CDH9: variants seen among roughly 807,000 people sequenced by gnomAD.
CDH9 encodes cadherin 9.
Under a neutral mutation model 70.9 loss-of-function variants are expected in CDH9, and 28 were observed. The ratio of observed to expected loss-of-function variants is 0.40; its 90% CI spans 0.29 to 0.54. CDH9 has a LOEUF of 0.54. Among genes scored for constraint, CDH9 ranks in the 20% least tolerant of loss-of-function variants. CDH9 has a pLI of 0.59. For missense variants in CDH9, 874 were observed against 984.4 expected (o/e 0.89, Z 1.50); for synonymous variants, 409 against 343.1 (o/e 1.19, Z -2.12).
chr5:26,991,609 A>G, intron 1 of CDH9, among the ~76,000 whole-genome samples: 1 of 152,180 alleles, frequency 6.6e-6, no homozygotes, highest in East Asian at 1.9e-4. Context: ...TTGCCCAAAA[A>G]TCCTTGTCTC....
At chr5:26,911,744 AAT>A (rs1209396810) in intron 3 of CDH9, among the ~76,000 whole-genome samples, 1 of 152,206 alleles carries the variant, frequency 6.6e-6, no homozygotes, top group Non-Finnish European at 1.5e-5. Context: ...ATTATCTTTA[AAT>A]ATATATCTTT....
chr5:26,891,626 C>T (rs1420411035), intron 7 of CDH9, among the ~76,000 whole-genome samples: 1 of 151,838 alleles, frequency 6.6e-6, no homozygotes. Flanking sequence ...TGCAGTGAGC[C>T]GAGATGGCAC....
At chr5:26,919,952 A>T (rs1741215273) in intron 2 of CDH9, among the ~76,000 whole-genome samples, 1 of 152,086 alleles carries the variant, frequency 6.6e-6, no homozygotes, top group African/African-American at 2.4e-5. Context: ...TTCAGGTGTG[A>T]TCAAGCACAT....
chr5:26,909,317 A>C (rs1262632628), intron 3 of CDH9, among the ~76,000 whole-genome samples: 1 of 152,140 alleles, frequency 6.6e-6, no homozygotes, highest in African/African-American at 2.4e-5. Context: ...TTCTTTATAG[A>C]GACAAAATAA....
intron 2 of CDH9, among the ~76,000 whole-genome samples, chr5:26,948,187 C>A (rs1012326607): frequency 6.6e-6 from 1 of 152,040 alleles, no homozygotes; most frequent in African/African-American, 2.4e-5. Context: ...TTTATGAATG[C>A]CAAACAAGGA....
chr5:26,919,754 G>A (rs1359972339), intron 2 of CDH9, among the ~76,000 whole-genome samples: 2 of 152,066 alleles, frequency 1.3e-5, no homozygotes, highest in African/African-American at 4.8e-5. Context: ...ATAGGGCAGG[G>A]TCCTGAGGCC....
chr5:27,022,538 C>T (rs1350452078), intron 1 of CDH9, among the ~76,000 whole-genome samples: 3 of 152,020 alleles, frequency 2.0e-5, no homozygotes, highest in African/African-American at 7.2e-5. Flanking sequence ...TTGAATTAGT[C>T]ATACCACACA....
chr5:26,920,548 T>A (rs78341623), intron 2 of CDH9, among the ~76,000 whole-genome samples: 8,484 of 152,118 alleles, frequency 0.056, 283 homozygotes, highest in East Asian at 0.13. Context: ...GTGGTTACTG[T>A]GGGCCTTGGG....
intron 2 of CDH9, among the ~76,000 whole-genome samples, chr5:26,957,645 G>C (rs540681313): frequency 6.6e-6 from 1 of 152,002 alleles, no homozygotes; most frequent in East Asian, 1.9e-4. Flanking sequence ...CTGGGGAACA[G>C]AAGAGACGGT....
chr5:26,965,477 G>A (rs980283332), intron 2 of CDH9, among the ~76,000 whole-genome samples: 2 of 151,774 alleles, frequency 1.3e-5, no homozygotes, highest in African/African-American at 2.4e-5. Flanking sequence ...TCGGGAGGCT[G>A]AGGCAGGAGA....
intron 2 of CDH9, among the ~76,000 whole-genome samples, chr5:26,987,316 A>G (rs1742505235): frequency 6.6e-6 from 1 of 151,944 alleles, no homozygotes; most frequent in African/African-American, 2.4e-5. Flanking sequence ...AATTGGGAAC[A>G]ATTATAGTTA....
intron 2 of CDH9, among the ~76,000 whole-genome samples, chr5:26,964,647 T>C (rs1742097791): frequency 6.6e-6 from 1 of 152,134 alleles, no homozygotes. Context: ...TTTTAATTGT[T>C]ATACTTTAAG....
chr5:26,934,688 C>T (rs759287733), intron 2 of CDH9, among the ~76,000 whole-genome samples: 2 of 152,030 alleles, frequency 1.3e-5, no homozygotes, highest in African/African-American at 2.4e-5. Flanking sequence ...TCATTAAATG[C>T]CATCATCTAC....
At chr5:27,007,628 G>T (rs1742888339) in intron 1 of CDH9, among the ~76,000 whole-genome samples, 1 of 151,872 alleles carries the variant, frequency 6.6e-6, no homozygotes, top group Admixed American at 6.6e-5. Context: ...TATTACATAG[G>T]AAACAAATTC....
intron 1 of CDH9, among the ~76,000 whole-genome samples, chr5:27,014,366 G>T (rs888417201): frequency 4.4e-4 from 67 of 151,948 alleles, no homozygotes; most frequent in African/African-American, 1.5e-3. Context: ...CTTGCTGCAG[G>T]AAGTTAATGC....
intron 2 of CDH9, among the ~76,000 whole-genome samples, chr5:26,954,327 A>G (rs1054491000): frequency 1.3e-5 from 2 of 151,152 alleles, no homozygotes; most frequent in Non-Finnish European, 2.9e-5. Flanking sequence ...TGTCAATTTT[A>G]ATATTAATCC....
At chr5:26,963,399 A>G (rs1742072491) in intron 2 of CDH9, among the ~76,000 whole-genome samples, 1 of 152,194 alleles carries the variant, frequency 6.6e-6, no homozygotes, top group Admixed American at 6.5e-5. Context: ...TATAGAAAAT[A>G]GAGTTAATTA....
chr5:26,992,635 T>C (rs931679486), intron 1 of CDH9, among the ~76,000 whole-genome samples: 8 of 152,066 alleles, frequency 5.3e-5, no homozygotes, highest in African/African-American at 1.9e-4. Context: ...TATCTAAAAA[T>C]GTGGAAGTGG....
chr5:26,968,073 G>T (rs1388809835), intron 2 of CDH9, among the ~76,000 whole-genome samples: 1 of 151,890 alleles, frequency 6.6e-6, no homozygotes, highest in Non-Finnish European at 1.5e-5. Context: ...AGAACCTATT[G>T]TATTTCAGTA....
Sources: allele counts gnomAD v4.1 joint callset (sites outside exome capture counted in the v4.1 genomes callset), GRCh38; gene constraint gnomAD v4.1.1; transcripts MANE v1.5; gene names NCBI Gene and HGNC (gene_info 2026-07-23, HGNC 2026-07-21).